SLC14A2: variants seen among roughly 807,000 people sequenced by gnomAD.
SLC14A2 encodes urea transporter 2.
SLC14A2 carries 91 observed loss-of-function variants against 104.6 expected under a neutral mutation model. The ratio of observed to expected loss-of-function variants is 0.87; its 90% confidence interval spans 0.73 to 1.04. The LOEUF (loss-of-function observed/expected upper bound fraction) is 1.04, where lower values mean the gene tolerates loss of function less well. Ranked by LOEUF, SLC14A2 falls within the 50% of genes least tolerant of loss-of-function variation. The pLI is 0.00. For synonymous variants in SLC14A2, 476 were observed against 466.4 expected, an observed-to-expected ratio of 1.02 and a Z score of -0.27; for missense variants, 1,189 against 1,156.0, an observed-to-expected ratio of 1.03 and a Z score of -0.41.
At chr18:45,302,997 A>G (rs113261566) in intron 1 of SLC14A2, among the ~76,000 whole-genome samples, 111 of 152,310 alleles carry the variant, frequency 7.3e-4, no homozygotes, top group African/African-American at 2.6e-3. Flanking sequence ...GTGGTTGATC[A>G]AGGAAATTTC....
chr18:45,235,565 T>G (rs1599596994), intron 1 of SLC14A2, among the ~76,000 whole-genome samples: 1 of 151,988 alleles, frequency 6.6e-6, no homozygotes, highest in Admixed American at 6.6e-5. Flanking sequence ...CCTCTGTATA[T>G]TCCCCTCTCC....
In SLC14A2 at chr18:45,679,013, A is replaced by G. The variant is rs748984888; in HGVS notation, c.2551A>G (p.Met851Val). 6.9e-6 allele frequency: 11 copies of G among 1,605,702 alleles called. No individual in the cohort carries two copies. The highest frequency in any genetic ancestry group is 2.2e-5 in the South Asian group (2 of 90,838). Residue 851 changes from methionine (M) to valine (V), a missense_variant, in exon 19 of 20, where the codon ATG becomes GTG. Physicochemically the swap from Met to Val is conservative, Grantham distance 21 (BLOSUM62 1). Transcript: ENST00000255226. ...AAYLGAALAN[M>V]LSVFGLPPCT... is the part of the protein sequence containing the mutation. Reference sequence around the variant, plus strand: ...CTACCTGGGTGCTGCCCTGGCTAACATGTTATCTGTGGTGAGTCAACACAG... The same window carrying G: ...CTACCTGGGTGCTGCCCTGGCTAACGTGTTATCTGTGGTGAGTCAACACAG...
At chr18:45,280,786 ACCCCTGCCTTTT>A (rs1568133281) in intron 1 of SLC14A2, among the ~76,000 whole-genome samples, 5 of 151,998 alleles carry the variant, frequency 3.3e-5, no homozygotes, top group Non-Finnish European at 5.9e-5. Flanking sequence ...CTGGCTTTTG[ACCCCTGCCTTTT>A]CCTCTTGAAT....
At chr18:45,519,844 A>G (rs1216493018) in intron 2 of SLC14A2, among the ~76,000 whole-genome samples, 2 of 152,118 alleles carry the variant, frequency 1.3e-5, no homozygotes, top group Non-Finnish European at 2.9e-5. Flanking sequence ...GTTCTACACT[A>G]AGGGGAGGTC....
the SLC14A2 span, among the ~76,000 whole-genome samples, chr18:45,195,272 A>G: frequency 1.1e-4 from 17 of 152,264 alleles, no homozygotes; most frequent in Non-Finnish European, 1.9e-4. Flanking sequence ...AGATGCTCCA[A>G]AAAACATCTG....
intron 1 of SLC14A2, among the ~76,000 whole-genome samples, chr18:45,297,535 T>C (rs2084928574): frequency 6.6e-6 from 1 of 152,210 alleles, no homozygotes; most frequent in Non-Finnish European, 1.5e-5. Context: ...TAATCCCTAC[T>C]CCATTACCTG....
At chr18:45,202,209 C>T in the SLC14A2 span, among the ~76,000 whole-genome samples, 1 of 152,068 alleles carries the variant, frequency 6.6e-6, no homozygotes, top group African/African-American at 2.4e-5. Context: ...GTAAGGTTCC[C>T]CAACAGAGTG....
chr18:45,202,914 A>G, the SLC14A2 span, among the ~76,000 whole-genome samples: 1 of 152,168 alleles, frequency 6.6e-6, no homozygotes, highest in Non-Finnish European at 1.5e-5. Context: ...TAATGTGTAA[A>G]GAAAAAAAAG....
intron 6 of SLC14A2, among the ~76,000 whole-genome samples, chr18:45,637,444 A>G (rs2045438644): frequency 6.6e-6 from 1 of 152,250 alleles, no homozygotes; most frequent in African/African-American, 2.4e-5. Context: ...GGAAGCCTAC[A>G]TTCTATACGG....
At chr18:45,637,688 G>A (rs1017729602) in intron 6 of SLC14A2, among the ~76,000 whole-genome samples, 1 of 152,158 alleles carries the variant, frequency 6.6e-6, no homozygotes, top group Non-Finnish European at 1.5e-5. Flanking sequence ...GAGACATTAG[G>A]CAATGTCTGG....
At chr18:45,489,527 A>C (rs971307799) in intron 2 of SLC14A2, among the ~76,000 whole-genome samples, 8 of 152,132 alleles carry the variant, frequency 5.3e-5, no homozygotes, top group African/African-American at 1.7e-4. Context: ...AAAAACAAAA[A>C]CACAATACTA....
At chr18:45,326,118 A>G (rs1405658355) in intron 1 of SLC14A2, among the ~76,000 whole-genome samples, 2 of 152,138 alleles carry the variant, frequency 1.3e-5, no homozygotes, top group East Asian at 3.9e-4. Flanking sequence ...CTTTCCTACC[A>G]TCTTTCTGAA....
At chr18:45,297,931 G>A (rs112944054) in intron 1 of SLC14A2, among the ~76,000 whole-genome samples, 2 of 152,282 alleles carry the variant, frequency 1.3e-5, no homozygotes, top group African/African-American at 4.8e-5. Context: ...CAGATAAAAT[G>A]TGACAAGCCA....
At chr18:45,619,798 G>A (rs2144486946) in intron 1 of SLC14A2, among the ~76,000 whole-genome samples, 1 of 152,284 alleles carries the variant, frequency 6.6e-6, no homozygotes, top group Non-Finnish European at 1.5e-5. Flanking sequence ...CAGCCAGCTT[G>A]TACTTCATCT....
intron 16 of SLC14A2, among the ~76,000 whole-genome samples, chr18:45,670,554 G>T (rs570902042): frequency 3.9e-5 from 6 of 152,238 alleles, no homozygotes; most frequent in African/African-American, 1.4e-4. Flanking sequence ...ATGATGCCTC[G>T]TTTCTCTTAG....
Position 45,574,223 on chromosome 18 carries a change from T to C in SLC14A2, c.-34-50408T>C, listed in dbSNP as rs146176604. Among the ~76,000 whole-genome samples, 650 of 152,274 alleles carry C rather than the reference T, an allele frequency of 4.3e-3. 1 individual carries two copies. Among genetic ancestry groups the C allele is most frequent in the South Asian group, 0.011 (52 of 4,820 alleles). ...ACCTATATGCATGTGTGCTTGTGTATGCATGTGTGTGTAATGTAGGGGAGT... is the reference window on the plus strand; with the variant it reads ...ACCTATATGCATGTGTGCTTGTGTACGCATGTGTGTGTAATGTAGGGGAGT... On this transcript the variant is annotated intron_variant, in intron 2 of 20. Transcript: ENST00000586448.
At chr18:45,268,037 C>T (rs1301436091) in intron 1 of SLC14A2, among the ~76,000 whole-genome samples, 2 of 152,088 alleles carry the variant, frequency 1.3e-5, no homozygotes, top group Admixed American at 1.3e-4. Context: ...CAATTCAGCA[C>T]TTGACCGTAA....
chr18:45,506,982 T>C (rs2043296804), intron 2 of SLC14A2, among the ~76,000 whole-genome samples: 1 of 152,224 alleles, frequency 6.6e-6, no homozygotes, highest in African/African-American at 2.4e-5. Context: ...ACCAGCTATA[T>C]ACCCTGGAGG....
At chr18:45,238,377 C>A (rs937213244) in intron 1 of SLC14A2, among the ~76,000 whole-genome samples, 1 of 152,106 alleles carries the variant, frequency 6.6e-6, no homozygotes, top group East Asian at 1.9e-4. Flanking sequence ...CCTGAGAGAG[C>A]GGTTAGAGTG....
Sources: allele counts gnomAD v4.1 joint callset (sites outside exome capture counted in the v4.1 genomes callset), GRCh38; gene constraint gnomAD v4.1.1; transcripts MANE v1.5; gene names NCBI Gene and HGNC (gene_info 2026-07-23, HGNC 2026-07-21).